The following RIMS2 variants were observed in gnomAD, a reference collection of about 807,000 sequenced individuals.
The protein encoded by RIMS2 is regulating synaptic membrane exocytosis 2.
RIMS2 carries 59 observed loss-of-function variants against 174.4 expected under a neutral mutation model. The observed-to-expected ratio is 0.34, with a 90% CI of 0.27 to 0.42. The LOEUF is 0.42. RIMS2 is among the 10% of genes least tolerant of loss of function. The pLI, the probability that RIMS2 is intolerant of heterozygous loss-of-function variation, is 1.00. For missense variants in RIMS2, 1,620 were observed against 1,666.3 expected (o/e 0.97, Z 0.48); for synonymous variants, 606 against 572.5 (o/e 1.06, Z -0.84).
intron 19 of RIMS2, among the ~76,000 whole-genome samples, chr8:104,241,486 A>G (rs2511585): frequency 0.75 from 113,865 of 152,056 alleles, 43,759 homozygotes; most frequent in African/African-American, 0.92. Flanking sequence ...CGCTTTAACT[A>G]TGATAGAGTC....
intron 19 of RIMS2, among the ~76,000 whole-genome samples, chr8:104,146,410 C>A (rs949238588): frequency 6.6e-6 from 1 of 152,046 alleles, no homozygotes. Context: ...GAAATAACTC[C>A]TTTTGTAAAT....
At chr8:103,923,287 G>T (rs544261124) in intron 10 of RIMS2, among the ~76,000 whole-genome samples, 1 of 151,844 alleles carries the variant, frequency 6.6e-6, no homozygotes, top group African/African-American at 2.4e-5. Flanking sequence ...GTGCGTGTCT[G>T]TCTGTCTGTG....
intron 19 of RIMS2, among the ~76,000 whole-genome samples, chr8:104,168,046 A>G (rs1195016549): frequency 1.3e-5 from 2 of 152,006 alleles, no homozygotes; most frequent in East Asian, 3.9e-4. Flanking sequence ...TATGCCAGTA[A>G]CATGTTGTTT....
chr8:103,855,318 T>C (rs1257710295), intron 3 of RIMS2, among the ~76,000 whole-genome samples: 3 of 152,070 alleles, frequency 2.0e-5, no homozygotes, highest in Non-Finnish European at 2.9e-5. Context: ...GTTTCATTGA[T>C]ATTTTGTATG....
At chr8:104,023,192 GA>G (rs1346420819) in intron 19 of RIMS2, among the ~76,000 whole-genome samples, 1 of 152,130 alleles carries the variant, frequency 6.6e-6, no homozygotes, top group Non-Finnish European at 1.5e-5. Context: ...GTTGAAGCTA[GA>G]GGGGTGACTC....
At chr8:104,072,873 T>C (rs896588664) in intron 19 of RIMS2, among the ~76,000 whole-genome samples, 3 of 152,178 alleles carry the variant, frequency 2.0e-5, no homozygotes, top group Non-Finnish European at 2.9e-5. Flanking sequence ...AGAGTCTATT[T>C]TTAATAAGAG....
At chr8:103,578,172 A>T (rs971329859) in intron 1 of RIMS2, among the ~76,000 whole-genome samples, 1 of 152,218 alleles carries the variant, frequency 6.6e-6, no homozygotes, top group Non-Finnish European at 1.5e-5. Flanking sequence ...CCCAAGGCAC[A>T]TAATCAAATT....
At chr8:104,101,428 C>T (rs1047304555) in intron 19 of RIMS2, among the ~76,000 whole-genome samples, 5 of 152,222 alleles carry the variant, frequency 3.3e-5, no homozygotes, top group Non-Finnish European at 7.4e-5. Flanking sequence ...CGTGCCCGGC[C>T]TTCTTGGACT....
intron 19 of RIMS2, among the ~76,000 whole-genome samples, chr8:104,108,864 C>T (rs968931974): frequency 1.3e-5 from 2 of 152,028 alleles, no homozygotes; most frequent in African/African-American, 4.8e-5. Flanking sequence ...ATATGGTACA[C>T]CTGTCATATA....
At chr8:104,130,293 A>T (rs1192664580) in intron 19 of RIMS2, among the ~76,000 whole-genome samples, 1 of 152,238 alleles carries the variant, frequency 6.6e-6, no homozygotes, top group Non-Finnish European at 1.5e-5. Flanking sequence ...TCATGTAATG[A>T]TCTGGGTGAA....
At chr8:104,188,201 G>T (rs932332943) in intron 19 of RIMS2, among the ~76,000 whole-genome samples, 1 of 149,700 alleles carries the variant, frequency 6.7e-6, no homozygotes, top group Non-Finnish European at 1.5e-5. Flanking sequence ...TGAAGAAGTG[G>T]GACTTTTAAT....
chr8:104,243,415 G>A (rs1203333238), intron 19 of RIMS2, among the ~76,000 whole-genome samples: 3 of 152,264 alleles, frequency 2.0e-5, no homozygotes, highest in African/African-American at 7.2e-5. Context: ...TGCTGGGCAC[G>A]ATGGCTCACA....
In RIMS2 at chr8:104,248,833, G is replaced by C. The variant is rs538218942; in HGVS notation, c.3589+20G>C. Reference sequence around the variant, plus strand: ...CAATGGGTAAGAATTTCTGCCACATGATTTCACTATTTTGTTTTAGATTGT... The same window carrying C: ...CAATGGGTAAGAATTTCTGCCACATCATTTCACTATTTTGTTTTAGATTGT... On this transcript the variant is annotated intron_variant, in intron 21 of 23. Transcript: ENST00000504942. The C allele has an allele frequency of 8.5e-6, 10 of 1,172,086 alleles. No individual in the cohort carries two copies. In the African/African-American group the frequency reaches 1.4e-4, roughly 16 times the overall value. The allele number at this position is 1,172,086 out of a possible 1,614,324, so 72.6% of individuals were successfully genotyped here.
intron 19 of RIMS2, among the ~76,000 whole-genome samples, chr8:104,015,110 T>C (rs779702763): frequency 1.3e-5 from 2 of 152,186 alleles, no homozygotes; most frequent in Non-Finnish European, 2.9e-5. Flanking sequence ...CATTTTTGCA[T>C]AAGAAGCACT....
chr8:103,893,248 G>T (rs2099257662), intron 4 of RIMS2, among the ~76,000 whole-genome samples: 1 of 152,066 alleles, frequency 6.6e-6, no homozygotes, highest in Admixed American at 6.6e-5. Context: ...TCCAGCTTTG[G>T]GGTACAGGAG....
chr8:103,617,082 C>A (rs1329988051), intron 1 of RIMS2, among the ~76,000 whole-genome samples: 3 of 152,104 alleles, frequency 2.0e-5, no homozygotes, highest in Admixed American at 6.6e-5. Context: ...GTAAAAAGAA[C>A]AAAGCTGGCA....
intron 19 of RIMS2, among the ~76,000 whole-genome samples, chr8:104,138,883 T>C (rs1057376670): frequency 2.6e-5 from 4 of 152,204 alleles, no homozygotes; most frequent in Admixed American, 2.6e-4. Flanking sequence ...TTTCTTTTAG[T>C]AGTTTCATAA....
chr8:103,963,405 A>G (rs2090815387), intron 15 of RIMS2, among the ~76,000 whole-genome samples: 1 of 152,230 alleles, frequency 6.6e-6, no homozygotes, highest in Non-Finnish European at 1.5e-5. Flanking sequence ...AATTACAATC[A>G]TTCATAATAA....
At chr8:103,535,807 G>A (rs1839479081) in intron 1 of RIMS2, among the ~76,000 whole-genome samples, 2 of 152,332 alleles carry the variant, frequency 1.3e-5, no homozygotes, top group East Asian at 1.9e-4. Flanking sequence ...AAGGAACAAA[G>A]TTCAGAAGGA....
Sources: gnomAD v4.1 joint callset for allele counts (sites outside exome capture counted in the v4.1 genomes callset) on GRCh38, gnomAD v4.1.1 for gene constraint, MANE v1.5 for transcripts, NCBI Gene and HGNC (gene_info 2026-07-23, HGNC 2026-07-21) for gene names.